The following PBLD variants were observed in gnomAD, a reference collection of about 807,000 sequenced individuals.
The protein encoded by PBLD is phenazine biosynthesis like protein domain containing, also known as phenazine biosynthesis-like domain-containing protein.
A neutral mutation model predicts 31.3 loss-of-function variants in PBLD; 26 were observed. The ratio of observed to expected loss-of-function variants is 0.83; its 90% CI spans 0.61 to 1.15. PBLD has a LOEUF of 1.15. Ranked by LOEUF, PBLD falls within the 50% of genes most tolerant of loss-of-function variation. PBLD has a pLI of 0.00. For synonymous variants in PBLD, 114 were observed against 129.0 expected, an observed-to-expected ratio of 0.88 and a Z score of 0.79; for missense variants, 307 against 351.7, an observed-to-expected ratio of 0.87 and a Z score of 1.02.
At chr10:68,286,125 T>C (rs2044285249) in intron 8 of PBLD, among the ~76,000 whole-genome samples, 1 of 131,030 alleles carries the variant, frequency 7.6e-6, no homozygotes, top group Non-Finnish European at 1.6e-5. Context: ...TCTCGCTCTG[T>C]CGCCCAGGCT....
chr10:68,305,270 C>CTTTTTTTT (rs71009039), intron 2 of PBLD, among the ~76,000 whole-genome samples: 5 of 136,088 alleles, frequency 3.7e-5, no homozygotes, highest in African/African-American at 8.2e-5. Context: ...ATCAGTCCTC[C>CTTTTTTTT]TTTTTTTTTT....
Position 68,296,982 on chromosome 10 carries a change from A to G in PBLD, c.88T>C (p.Leu30=), listed in dbSNP as rs1480373594. 4.3e-6 allele frequency: 7 copies of G among 1,609,406 alleles called. No individual in the cohort carries two copies. The East Asian group carries it at 1.1e-4, about 26-fold the overall frequency. ...ATTTTCTGATGCATGTCTTCATCCA[A>G]TTCCTTAATTAGAAACAGACGATCA... ...PAAVCLLENE[L]DEDMHQKIAR... Residue 30 remains leucine (L), a synonymous_variant, in exon 3 of 10, where the codon TTG becomes CTG. Transcript: ENST00000358769.
At chr10:68,317,948 C>T (rs2044756863) in intron 1 of PBLD, among the ~76,000 whole-genome samples, 2 of 151,984 alleles carry the variant, frequency 1.3e-5, no homozygotes, top group Admixed American at 6.6e-5. Context: ...TAAAGTAAGG[C>T]CGGGCACGGT....
At chr10:68,302,352 T>A (rs2044515878) in intron 2 of PBLD, among the ~76,000 whole-genome samples, 1 of 152,128 alleles carries the variant, frequency 6.6e-6, no homozygotes, top group Non-Finnish European at 1.5e-5. Context: ...AGATTAATGA[T>A]CAGAAAATCA....
chr10:68,285,994 A>C (rs555552615), intron 8 of PBLD, among the ~76,000 whole-genome samples: 1 of 151,916 alleles, frequency 6.6e-6, no homozygotes, highest in East Asian at 1.9e-4. Context: ...ACAGTCTCCT[A>C]AGGCTGAATT....
intron 1 of PBLD, among the ~76,000 whole-genome samples, chr10:68,309,641 G>C (rs7100873): frequency 1 from 147,635 of 147,640 alleles, 73,815 homozygotes; most frequent in Non-Finnish European, 1. Context: ...AACCCTGCCT[G>C]TACTAAAAAT....
In PBLD at chr10:68,295,494, GA is replaced by G. The variant is rs11390819; in HGVS notation, c.283+771del. Among the ~76,000 whole-genome samples the G allele has an allele frequency of 6.3e-3, 808 of 127,480 alleles. 4 individuals carry two copies. The highest frequency in any genetic ancestry group is 0.015 in the African/African-American group (518 of 34,740). The allele number at this position is 127,480 out of a possible 152,430, so 83.6% of individuals were successfully genotyped here. A position where few individuals can be genotyped will look rare whatever the true frequency, so the allele number is the denominator to read the frequency against. ...GTCAACCGAGCCAGGCCCCATCTCA[GA>G]AAAAAAAAAAAAAAATGTTTATTGA... On this transcript the variant is annotated intron_variant, in intron 4 of 9. Transcript: ENST00000358769.
At chr10:68,306,932 AT>A in intron 1 of PBLD, 29 bp from the exon 2 acceptor site, 2 of 1,026,772 alleles carry the variant, frequency 1.9e-6, no homozygotes, top group Non-Finnish European at 3.0e-6. Context: ...CAAAAAGTTA[AT>A]GTTTTACTTG....
chr10:68,292,217 G>C lies in PBLD; in HGVS notation c.305C>G (p.Thr102Arg). 1 of 1,613,570 alleles carries C rather than the reference G, an allele frequency of 6.2e-7. No individual in the cohort carries two copies. The highest frequency in any genetic ancestry group is 1.1e-5 in the South Asian group (1 of 91,078). ...HKIKNMNSTL[T>R]FVTLSGELRA... ...TAGTTCTCCACTCAGAGTGACAAAC[G>C]TGAGCGTGCTATTCATGTTTTCTGG... The change falls in exon 5 of 10, where the codon ACG (threonine) becomes AGG (arginine). Residue 102 changes from threonine (T) to arginine (R), a missense_variant. Coordinates refer to ENST00000358769, the MANE Select transcript of PBLD (RefSeq NM_022129.4).
chr10:68,308,730 A>G (rs1302011846), intron 1 of PBLD, among the ~76,000 whole-genome samples: 1 of 149,854 alleles, frequency 6.7e-6, no homozygotes. Context: ...TTGTAGAGAC[A>G]GGGTTTCGCC....
intron 1 of PBLD, among the ~76,000 whole-genome samples, chr10:68,330,731 T>C (rs1184595262): frequency 7.0e-6 from 1 of 143,014 alleles, no homozygotes; most frequent in Non-Finnish European, 1.5e-5. Flanking sequence ...TGTGTGTGTG[T>C]GTGTGTGTGT....
chr10:68,331,234 CTTAT>C (rs1053020314), intron 1 of PBLD: 6 of 152,282 alleles, frequency 3.9e-5, no homozygotes, highest in South Asian at 2.1e-4. Flanking sequence ...CCAAAATGTA[CTTAT>C]TTATTAGGTG....
rs1404267964 is a variant in PBLD, at chr10:68,296,939, A to C, written c.131T>G (p.Leu44Arg). 6.8e-6 allele frequency: 11 copies of C among 1,614,024 alleles called. No individual in the cohort carries two copies. The Admixed American group carries it at 1.7e-4, about 24-fold the overall frequency. ...TTTTCGGATAAAAGCAGTTTCAGAG[A>C]GGTTCATCTCCCTTGCAATTTTCTG... ...MHQKIAREMN[L>R]SETAFIRKLH... Residue 44 changes from leucine (L) to arginine (R), a missense_variant, in exon 3 of 10, where the codon CTC becomes CGC. Transcript: ENST00000358769.
intron 1 of PBLD, among the ~76,000 whole-genome samples, chr10:68,329,497 C>A (rs976726463): frequency 1.3e-5 from 2 of 152,142 alleles, no homozygotes; most frequent in Admixed American, 6.5e-5. Flanking sequence ...TCTGCCAAAT[C>A]GGTTGAAAGA....
At chr10:68,290,798 A>T (rs928761732) in intron 6 of PBLD, among the ~76,000 whole-genome samples, 2 of 152,104 alleles carry the variant, frequency 1.3e-5, no homozygotes, top group Non-Finnish European at 2.9e-5. Flanking sequence ...AATACTTACA[A>T]CCCTTTGTTA....
chr10:68,319,893 G>A (rs548578054), intron 1 of PBLD, among the ~76,000 whole-genome samples: 197 of 148,622 alleles, frequency 1.3e-3, no homozygotes, highest in Non-Finnish European at 2.0e-3. Flanking sequence ...GTGCAATCTC[G>A]GCTCACGGCA....
chr10:68,322,655 C>A (rs1256762452), intron 1 of PBLD, among the ~76,000 whole-genome samples: 40 of 150,160 alleles, frequency 2.7e-4, no homozygotes, highest in Non-Finnish European at 3.0e-4. Context: ...CACAGCGAGA[C>A]CCTGTCTCAA....
At chr10:68,299,765 G>A (rs2044480912) in intron 2 of PBLD, among the ~76,000 whole-genome samples, 1 of 151,996 alleles carries the variant, frequency 6.6e-6, no homozygotes, top group African/African-American at 2.4e-5. Flanking sequence ...TTGAGCAGTA[G>A]TCACTTGAAC....
At chr10:68,319,053 G>GAGAAAGAAAGAAAGAAAGAA (rs60229423) in intron 1 of PBLD, among the ~76,000 whole-genome samples, 188 of 98,880 alleles carry the variant, frequency 1.9e-3, no homozygotes, top group East Asian at 5.7e-3. Context: ...AAGAAAGAGA[G>GAGAAAGAAAGAAAGAAAGAA]AGAAAGAAAG....
Sources: gnomAD v4.1 joint callset for allele counts (sites outside exome capture counted in the v4.1 genomes callset) on GRCh38, gnomAD v4.1.1 for gene constraint, MANE v1.5 for transcripts, NCBI Gene and HGNC (gene_info 2026-07-23, HGNC 2026-07-21) for gene names.